The following SPIRE1 variants were observed in gnomAD, a reference collection of about 807,000 sequenced individuals.
The protein encoded by SPIRE1 is spire type actin nucleation factor 1, also known as protein spire homolog 1.
Under a neutral mutation model 94.1 loss-of-function variants are expected in SPIRE1, and 40 were observed. The ratio of observed to expected loss-of-function variants is 0.43; its 90% CI spans 0.33 to 0.55. The LOEUF (loss-of-function observed/expected upper bound fraction) is 0.55. SPIRE1 is among the 20% of genes least tolerant of loss of function. The probability of loss-of-function intolerance (pLI) is 0.06; values close to 1 mark genes in which losing one functional copy is unlikely to be tolerated. For synonymous variants in SPIRE1, 376 were observed against 371.7 expected (o/e 1.01, Z -0.13); for missense variants, 838 against 975.2 (o/e 0.86, Z 1.87).
At chr18:12,641,864 GCT>G (rs1491288063) in intron 1 of SPIRE1, among the ~76,000 whole-genome samples, 1 of 126,388 alleles carries the variant, frequency 7.9e-6, no homozygotes, top group Admixed American at 9.2e-5. Context: ...ATGGAGTCTT[GCT>G]CTGTCGCCCA....
In SPIRE1 at chr18:12,448,892, A is replaced by T. The variant is rs2143465382; in HGVS notation, c.*746T>A. The T allele has an allele frequency of 6.5e-6, 1 of 152,718 alleles. No individual in the cohort carries two copies. Among genetic ancestry groups the T allele is most frequent in the East Asian group, 1.9e-4 (1 of 5,190 alleles). 9.5% of individuals were successfully genotyped at this position (152,718 alleles called of 1,614,324 possible). ...AAACTCCCACACAACTTTAATTCTT[A>T]GACCTCCATTATAAAACTATTAGTA... is the stretch of plus-strand genomic sequence containing the variant. On this transcript the variant is annotated 3_prime_UTR_variant, in exon 17 of 17. Transcript: ENST00000409402. This position sits in a 1 kb window ranked among gnomAD's most constrained non-coding sequence, Gnocchi z 4.4.
chr18:12,539,456 C>T (rs1035270727), intron 3 of SPIRE1, among the ~76,000 whole-genome samples: 1 of 152,010 alleles, frequency 6.6e-6, no homozygotes, highest in Non-Finnish European at 1.5e-5. Context: ...ATTTTTCTTC[C>T]CAGTTTTAGG....
At chr18:12,615,337 A>AAAAAAAAATAAAAAAT (rs2037259854) in intron 2 of SPIRE1, among the ~76,000 whole-genome samples, 2 of 42,440 alleles carry the variant, frequency 4.7e-5, no homozygotes, top group South Asian at 1.7e-3. Flanking sequence ...CAAAAAAAAA[A>AAAAAAAAATAAAAAAT]AAAAAAAAAT....
intron 2 of SPIRE1, among the ~76,000 whole-genome samples, chr18:12,569,487 A>G (rs1864532): frequency 0.57 from 86,031 of 151,956 alleles, 25,690 homozygotes; most frequent in Middle Eastern, 0.74. Context: ...TTCGGACACC[A>G]TCTTGAATTG....
chr18:12,599,386 G>A (rs965182788), intron 2 of SPIRE1, among the ~76,000 whole-genome samples: 1 of 151,932 alleles, frequency 6.6e-6, no homozygotes, highest in Non-Finnish European at 1.5e-5. Flanking sequence ...CCCACCTCCT[G>A]AATAGCTAGG....
chr18:12,607,576 G>A (rs2037014281), intron 2 of SPIRE1, among the ~76,000 whole-genome samples: 1 of 140,044 alleles, frequency 7.1e-6, no homozygotes, highest in Non-Finnish European at 1.5e-5. Flanking sequence ...CCACCTTTAG[G>A]GTTTTCTACT....
At chr18:12,531,390 C>T (rs1296222704) in intron 4 of SPIRE1, among the ~76,000 whole-genome samples, 1 of 152,242 alleles carries the variant, frequency 6.6e-6, no homozygotes, top group Non-Finnish European at 1.5e-5. Context: ...CAGAAACCTA[C>T]ATCAAAGTAT....
Position 12,576,619 on chromosome 18 carries a change from G to A in SPIRE1, c.373-29715C>T, listed in dbSNP as rs1243157650. On this transcript the variant is annotated intron_variant, in intron 2 of 16. Transcript: ENST00000409402. ...AAAAAAAAAAAAAAGACGGGGCACAGTGGCTCACGCCTGTAATCCCAGCAC... is the reference window on the plus strand; with the variant it reads ...AAAAAAAAAAAAAAGACGGGGCACAATGGCTCACGCCTGTAATCCCAGCAC... Among the ~76,000 whole-genome samples, 3 of 147,670 alleles carry A rather than the reference G, an allele frequency of 2.0e-5. No individual in the cohort carries two copies. The Admixed American group carries it at 2.0e-4, about 10-fold the overall frequency.
intron 10 of SPIRE1, among the ~76,000 whole-genome samples, chr18:12,476,455 C>T (rs942261026): frequency 6.8e-6 from 1 of 147,000 alleles, no homozygotes; most frequent in Non-Finnish European, 1.5e-5. Flanking sequence ...ACAGGAGAAT[C>T]GCTTGAACCT....
intron 2 of SPIRE1, among the ~76,000 whole-genome samples, chr18:12,630,018 T>C (rs2037732854): frequency 6.6e-6 from 1 of 152,202 alleles, no homozygotes; most frequent in Non-Finnish European, 1.5e-5. Context: ...CTATATGTGA[T>C]TTCACTGCTT....
intron 2 of SPIRE1, among the ~76,000 whole-genome samples, chr18:12,599,075 C>G (rs566844036): frequency 6.6e-6 from 1 of 152,204 alleles, no homozygotes; most frequent in Admixed American, 6.5e-5. Context: ...TTATGCCCAT[C>G]TCTTCTCCAA....
At chr18:12,629,970 G>A (rs2037731160) in intron 2 of SPIRE1, among the ~76,000 whole-genome samples, 1 of 152,076 alleles carries the variant, frequency 6.6e-6, no homozygotes, top group South Asian at 2.1e-4. Flanking sequence ...AGAAACATTA[G>A]CTTGAGGTAA....
At chr18:12,647,687 A>T (rs2038262157) in intron 1 of SPIRE1, among the ~76,000 whole-genome samples, 2 of 152,168 alleles carry the variant, frequency 1.3e-5, no homozygotes, top group Admixed American at 1.3e-4. Context: ...CCAGAAGTTC[A>T]AAGTTACAGA....
At chr18:12,580,066 A>T (rs2036214598) in intron 2 of SPIRE1, among the ~76,000 whole-genome samples, 1 of 152,186 alleles carries the variant, frequency 6.6e-6, no homozygotes, top group Non-Finnish European at 1.5e-5. Flanking sequence ...TGGTGAAAAC[A>T]TGATAAGAGG....
intron 2 of SPIRE1, among the ~76,000 whole-genome samples, chr18:12,601,235 A>G (rs903482013): frequency 6.6e-6 from 1 of 151,800 alleles, no homozygotes; most frequent in Non-Finnish European, 1.5e-5. Flanking sequence ...CCAACACGGC[A>G]AAACCCCATC....
chr18:12,540,507 C>T (rs1275825435), intron 3 of SPIRE1, among the ~76,000 whole-genome samples: 1 of 152,190 alleles, frequency 6.6e-6, no homozygotes, highest in Non-Finnish European at 1.5e-5. Context: ...TCCCAAGTAG[C>T]TGGGATTACA....
At chr18:12,578,338 A>G (rs2036166099) in intron 2 of SPIRE1, among the ~76,000 whole-genome samples, 1 of 152,254 alleles carries the variant, frequency 6.6e-6, no homozygotes, top group African/African-American at 2.4e-5. Context: ...AAATTGCAAT[A>G]TATTGACACA....
rs572069509 is a variant in SPIRE1 at position 12,592,076 on chromosome 18, T to C, written c.372+42986A>G. ...ATTGATATCTAAGTGCACCAGTATG[T>C]TGGTAGTCAATTTCAGAGGAGCAAA... On this transcript the variant is annotated intron_variant, in intron 2 of 16. Transcript: ENST00000409402. Among the ~76,000 whole-genome samples the C allele has an allele frequency of 2.0e-5, 3 of 151,938 alleles. No homozygotes were observed. The East Asian group carries it at 5.8e-4, about 29-fold the overall frequency.
chr18:12,497,939 G>A (rs988565959), intron 6 of SPIRE1, among the ~76,000 whole-genome samples: 9 of 152,152 alleles, frequency 5.9e-5, no homozygotes, highest in Non-Finnish European at 1.0e-4. Context: ...AGTCTCCTCA[G>A]TAGTCAGAAG....
Sources: gnomAD v4.1 joint callset for allele counts (sites outside exome capture counted in the v4.1 genomes callset) on GRCh38, gnomAD v4.1.1 for gene constraint, Gnocchi (gnomAD v3.1) non-coding constraint, MANE v1.5 for transcripts, NCBI Gene and HGNC (gene_info 2026-07-23, HGNC 2026-07-21) for gene names.